EXPH5: variants seen among roughly 807,000 people sequenced by gnomAD.
EXPH5 encodes exophilin 5.
EXPH5 carries 42 observed loss-of-function variants against 41.1 expected under a neutral mutation model. The observed-to-expected ratio is 1.02, with a 90% CI of 0.80 to 1.32. The LOEUF is 1.32. Ranked by LOEUF, EXPH5 falls within the 40% of genes most tolerant of loss-of-function variation. The pLI is 0.00. For missense variants in EXPH5, 2,298 were observed against 2,314.5 expected (o/e 0.99, Z 0.15); for synonymous variants, 798 against 833.5 (o/e 0.96, Z 0.73).
At chr11:108,573,202 G>A (rs375731196) in intron 1 of EXPH5, among the ~76,000 whole-genome samples, 1,923 of 116,164 alleles carry the variant, frequency 0.017, 13 homozygotes, top group Non-Finnish European at 0.028. Context: ...GAAAGAAAAA[G>A]AAAGAAAGAA....
intron 5 of EXPH5, among the ~76,000 whole-genome samples, chr11:108,516,001 G>A (rs1390515847): frequency 6.6e-6 from 1 of 151,096 alleles, no homozygotes; most frequent in African/African-American, 2.4e-5. Flanking sequence ...GAACCCGGGA[G>A]GCAGAGCTTG....
intron 4 of EXPH5, among the ~76,000 whole-genome samples, chr11:108,526,151 G>A (rs2093797296): frequency 6.6e-6 from 1 of 151,160 alleles, no homozygotes; most frequent in Non-Finnish European, 1.5e-5. Context: ...TCAAACTCCT[G>A]GCCTCAATCA....
chr11:108,508,467 A>G lies in EXPH5; in HGVS notation c.*1070T>C. ...GGTTGCAGTGAGCCCAGATCATGCC[A>G]CTGCACTCCAGCCTGGGTGACAGAG... On this transcript the variant is annotated 3_prime_UTR_variant, in exon 6 of 6. Transcript: ENST00000265843. 6.6e-6 allele frequency: 1 copy of G among 152,664 alleles called. No individual in the cohort carries two copies. Among genetic ancestry groups the G allele is most frequent in the Non-Finnish European group, 1.5e-5 (1 of 68,268 alleles). The allele number at this position is 152,664 out of a possible 1,614,324, so 9.5% of individuals were successfully genotyped here.
intron 3 of EXPH5, among the ~76,000 whole-genome samples, chr11:108,533,620 C>T (rs940314471): frequency 2.0e-5 from 3 of 152,144 alleles, no homozygotes; most frequent in African/African-American, 7.2e-5. Context: ...CCTAATTTTG[C>T]CCCCTCAAAT....
intron 1 of EXPH5, among the ~76,000 whole-genome samples, chr11:108,552,922 G>A (rs1479861194): frequency 1.3e-5 from 2 of 152,040 alleles, no homozygotes; most frequent in African/African-American, 4.8e-5. Flanking sequence ...AAGGCCGGGT[G>A]CGGTGGCTCA....
intron 5 of EXPH5, among the ~76,000 whole-genome samples, chr11:108,517,343 C>T (rs2093732944): frequency 6.6e-6 from 1 of 152,266 alleles, no homozygotes; most frequent in Admixed American, 6.5e-5. Context: ...AAAGATTTTC[C>T]TCTGTTCTCT....
At chr11:108,559,235 C>T (rs541546251) in intron 1 of EXPH5, among the ~76,000 whole-genome samples, 7 of 152,090 alleles carry the variant, frequency 4.6e-5, no homozygotes, top group Admixed American at 2.0e-4. Context: ...GTTGAATAAC[C>T]GAAAAAATGA....
intron 1 of EXPH5, among the ~76,000 whole-genome samples, chr11:108,556,909 G>A (rs1273381434): frequency 2.0e-5 from 3 of 152,206 alleles, no homozygotes; most frequent in Non-Finnish European, 2.9e-5. Context: ...GCTGCATAGT[G>A]TCTGACCTTC....
chr11:108,594,201 G>C (rs537721858), upstream of EXPH5, among the ~76,000 whole-genome samples: 157 of 152,272 alleles, frequency 1.0e-3, 3 homozygotes, highest in Admixed American at 1.4e-3. Context: ...CCTGGCTGAA[G>C]GGCGGAAATT....
intron 4 of EXPH5, among the ~76,000 whole-genome samples, chr11:108,524,286 A>C (rs2093783709): frequency 6.6e-6 from 1 of 152,242 alleles, no homozygotes; most frequent in South Asian, 2.1e-4. Flanking sequence ...CAACAATAAC[A>C]ATACCCATTG....
intron 1 of EXPH5, among the ~76,000 whole-genome samples, chr11:108,566,678 C>T (rs2640753): frequency 0.64 from 96,450 of 151,752 alleles, 31,891 homozygotes; most frequent in Non-Finnish European, 0.72. Context: ...CATGGCAAAA[C>T]CCCATCTCTA....
At chr11:108,528,547 C>G (rs765679018) in intron 3 of EXPH5, among the ~76,000 whole-genome samples, 2 of 152,104 alleles carry the variant, frequency 1.3e-5, no homozygotes, top group Non-Finnish European at 2.9e-5. Context: ...ACATCACTCT[C>G]CTGAGATGGA....
At chr11:108,594,212 A>G (rs866408411), upstream of EXPH5, among the ~76,000 whole-genome samples, 6 of 152,200 alleles carry the variant, frequency 3.9e-5, no homozygotes, top group Admixed American at 2.6e-4. Context: ...GGCGGAAATT[A>G]GTGTATCCTT....
intron 1 of EXPH5, among the ~76,000 whole-genome samples, chr11:108,592,894 C>G (rs912804150): frequency 2.6e-5 from 4 of 152,246 alleles, no homozygotes; most frequent in Non-Finnish European, 4.4e-5. Flanking sequence ...GGTGCCGGCT[C>G]TCCCGTGCTT....
rs2094134307 is a variant in EXPH5 at position 108,593,747 on chromosome 11, T to A, written c.-211A>T. ...CCTTAATGACATGTTTCTCTCAACC[T>A]GTCCAACCGAGATGCAAAGTGAACG... On this transcript the variant is annotated 5_prime_UTR_variant, in exon 1 of 6. Coordinates refer to ENST00000265843, the MANE Select transcript of EXPH5 (RefSeq NM_015065.3). 2.0e-6 allele frequency: 3 copies of A among 1,536,236 alleles called. No individual in the cohort carries two copies. Among genetic ancestry groups the A allele is most frequent in the Non-Finnish European group, 2.6e-6 (3 of 1,146,938 alleles).
intron 1 of EXPH5, among the ~76,000 whole-genome samples, chr11:108,570,783 T>C (rs1295776460): frequency 6.6e-6 from 1 of 152,202 alleles, no homozygotes; most frequent in Non-Finnish European, 1.5e-5. Flanking sequence ...TGGCTTCAAG[T>C]GATCCTCCTA....
In EXPH5 at chr11:108,506,852, GT is replaced by G. The variant is rs1200938332; in HGVS notation, c.*2684del. 1 of 152,064 alleles carries G rather than the reference GT, an allele frequency of 6.6e-6. No homozygotes were observed. Among genetic ancestry groups the G allele is most frequent in the African/African-American group, 2.4e-5 (1 of 41,414 alleles). 9.4% of individuals were successfully genotyped at this position (152,064 alleles called of 1,614,324 possible). The stretch of plus-strand genomic sequence containing the variant: ...CTAAAAATACAAAAATTAGCTGGGC[GT>G]GGTGGTGGGCACCTGTAATCCCAGC... On this transcript the variant is annotated 3_prime_UTR_variant, in exon 6 of 6. Coordinates refer to ENST00000265843, the MANE Select transcript of EXPH5 (RefSeq NM_015065.3).
At chr11:108,599,034 C>CGG in the EXPH5 span, among the ~76,000 whole-genome samples, 1 of 112,658 alleles carries the variant, frequency 8.9e-6, no homozygotes, top group Non-Finnish European at 1.9e-5. Context: ...GAAAAAGAGA[C>CGG]GGAGAGAGAG....
chr11:108,551,063 C>T (rs924401173), intron 1 of EXPH5, among the ~76,000 whole-genome samples: 2 of 152,132 alleles, frequency 1.3e-5, no homozygotes, highest in Admixed American at 6.5e-5. Flanking sequence ...TGAGCTCTTG[C>T]CATCTGCCGG....
Sources: gnomAD v4.1 joint callset for allele counts (sites outside exome capture counted in the v4.1 genomes callset) on GRCh38, gnomAD v4.1.1 for gene constraint, MANE v1.5 for transcripts, NCBI Gene and HGNC (gene_info 2026-07-23, HGNC 2026-07-21) for gene names.